The following GPR39 variants were observed in gnomAD, a reference collection of about 807,000 sequenced individuals.
The protein encoded by GPR39 is G protein-coupled receptor 39, also known as zinc sensing receptor.
Under a neutral mutation model 18.4 loss-of-function variants are expected in GPR39, and 23 were observed. The observed-to-expected ratio is 1.25, with a 90% CI of 0.90 to 1.77. GPR39 has a LOEUF of 1.77. Among genes scored for constraint, GPR39 ranks in the 40% most tolerant of loss-of-function variants. The pLI is 0.00. For synonymous variants in GPR39, 280 were observed against 257.9 expected, an observed-to-expected ratio of 1.09 and a Z score of -0.82; for missense variants, 647 against 602.4, an observed-to-expected ratio of 1.07 and a Z score of -0.78.
intron 1 of GPR39, among the ~76,000 whole-genome samples, chr2:132,509,371 C>T (rs1202869962): frequency 6.6e-6 from 1 of 152,122 alleles, no homozygotes; most frequent in Non-Finnish European, 1.5e-5. Context: ...CAAGGATAAC[C>T]ACTTGATAAA....
intron 1 of GPR39, among the ~76,000 whole-genome samples, chr2:132,504,314 T>G (rs1679098473): frequency 6.6e-6 from 1 of 152,220 alleles, no homozygotes; most frequent in Non-Finnish European, 1.5e-5. Context: ...AATATGTATT[T>G]CACATGTCTC....
chr2:132,553,313 ATGTGTG>A (rs149187122), intron 1 of GPR39, among the ~76,000 whole-genome samples: 52 of 146,232 alleles, frequency 3.6e-4, no homozygotes, highest in Non-Finnish European at 6.3e-4. Context: ...ATATGTATAT[ATGTGTG>A]TGTGTGTGTG....
In GPR39 at chr2:132,530,504, A is replaced by G. The variant is rs192668950; in HGVS notation, c.856+112606A>G. On this transcript the variant is annotated intron_variant, in intron 1 of 1. Coordinates refer to ENST00000329321, the MANE Select transcript of GPR39 (RefSeq NM_001508.3). Reference sequence around the variant, plus strand: ...CATTCAAATTCAGGAAATACAGAGAATGCCACAAAGATACTCCTTGAGAAG... The same window carrying G: ...CATTCAAATTCAGGAAATACAGAGAGTGCCACAAAGATACTCCTTGAGAAG... 5.9e-5 allele frequency among the ~76,000 whole-genome samples: 9 copies of G among 152,294 alleles called. No individual in the cohort carries two copies. In the East Asian group the frequency reaches 1.7e-3, roughly 29 times the overall value.
At chr2:132,503,443 G>C (rs187230365) in intron 1 of GPR39, among the ~76,000 whole-genome samples, 8 of 152,202 alleles carry the variant, frequency 5.3e-5, no homozygotes, top group Non-Finnish European at 1.2e-4. Flanking sequence ...TCTTCCAGTC[G>C]TGGATACCAG....
intron 1 of GPR39, among the ~76,000 whole-genome samples, chr2:132,530,914 G>T (rs1158705394): frequency 6.6e-6 from 1 of 152,188 alleles, no homozygotes; most frequent in Non-Finnish European, 1.5e-5. Context: ...AAATTGTAAA[G>T]ACCATCAAGG....
intron 1 of GPR39, among the ~76,000 whole-genome samples, chr2:132,491,073 T>G (rs996725802): frequency 9.2e-5 from 14 of 152,344 alleles, no homozygotes; most frequent in Non-Finnish European, 1.6e-4. Flanking sequence ...ATCTCTTTTT[T>G]TTCTCACTGA....
At chr2:132,475,918 C>A (rs952436214) in intron 1 of GPR39, among the ~76,000 whole-genome samples, 3 of 152,222 alleles carry the variant, frequency 2.0e-5, no homozygotes, top group African/African-American at 7.2e-5. Flanking sequence ...TCAAATGATG[C>A]AGCCATTTGA....
chr2:132,508,770 T>C (rs1408753810), intron 1 of GPR39, among the ~76,000 whole-genome samples: 1 of 152,152 alleles, frequency 6.6e-6, no homozygotes, highest in African/African-American at 2.4e-5. Flanking sequence ...AGGTTCCTGG[T>C]TCACCATTTC....
intron 1 of GPR39, among the ~76,000 whole-genome samples, chr2:132,488,339 CA>C (rs1573626399): frequency 6.6e-6 from 1 of 151,874 alleles, no homozygotes; most frequent in East Asian, 1.9e-4. Context: ...CTGTCATTAT[CA>C]AAAAGAGGCA....
intron 1 of GPR39, among the ~76,000 whole-genome samples, chr2:132,599,175 G>A (rs556483953): frequency 1.1e-4 from 16 of 152,298 alleles, no homozygotes; most frequent in Middle Eastern, 6.8e-3. Context: ...ATCCAGGCAC[G>A]AGAGGATTAT....
intron 1 of GPR39, among the ~76,000 whole-genome samples, chr2:132,423,258 T>A (rs934971046): frequency 1.3e-5 from 2 of 150,398 alleles, no homozygotes; most frequent in Admixed American, 1.3e-4. Context: ...TGAATAGCTG[T>A]CTTCTCATTG....
At chr2:132,498,537 G>A (rs1681692374) in intron 1 of GPR39, among the ~76,000 whole-genome samples, 3 of 152,094 alleles carry the variant, frequency 2.0e-5, no homozygotes, top group Admixed American at 2.0e-4. Flanking sequence ...ATAAACATGC[G>A]TGTGCTAGTA....
At position 132,426,184 on chromosome 2, in the gene GPR39, A is replaced by T. The variant is rs566843872; in HGVS notation, c.856+8286A>T. The stretch of plus-strand genomic sequence containing the variant: ...AGAATTGCCTTTGGCCCAGCCATTC[A>T]CAGATCCACCAACCACTTGTTGGTC... On this transcript the variant is annotated intron_variant, in intron 1 of 1. Coordinates refer to ENST00000329321, the MANE Select transcript of GPR39 (RefSeq NM_001508.3). Among the ~76,000 whole-genome samples, 6 of 152,318 alleles carry T rather than the reference A, an allele frequency of 3.9e-5. No homozygotes were observed. In the East Asian group the frequency reaches 1.2e-3, roughly 29 times the overall value.
At chr2:132,472,536 C>T (rs1050849722) in intron 1 of GPR39, among the ~76,000 whole-genome samples, 2 of 152,124 alleles carry the variant, frequency 1.3e-5, no homozygotes, top group Admixed American at 6.5e-5. Context: ...ACATTTCCTG[C>T]AACTCACCTG....
At position 132,636,556 on chromosome 2, in the gene GPR39, G is replaced by A. The variant is rs533597831; in HGVS notation, c.857-8545G>A. Among the ~76,000 whole-genome samples, 43 of 152,342 alleles carry A rather than the reference G, an allele frequency of 2.8e-4. 2 individuals carry two copies. The South Asian group carries it at 8.1e-3, about 29-fold the overall frequency. ...ATGATTTTACCAGACTCTAAAGGGA[G>A]CTGGGCCAGTGCAAACAGCACCTGC... On this transcript the variant is annotated intron_variant, in intron 1 of 1. Transcript: ENST00000329321.
chr2:132,645,042 G>A, intron 1 of GPR39, 59 bp from the exon 2 acceptor site: 1 of 1,537,378 alleles, frequency 6.5e-7, no homozygotes, highest in Non-Finnish European at 8.8e-7. Flanking sequence ...TTCATTTACT[G>A]TGTTCTCATG....
intron 1 of GPR39, among the ~76,000 whole-genome samples, chr2:132,470,255 TG>T (rs1192168606): frequency 8.5e-5 from 13 of 152,168 alleles, no homozygotes; most frequent in Non-Finnish European, 1.8e-4. Flanking sequence ...GACTGCCATT[TG>T]TGAGGGATGG....
At chr2:132,530,443 C>T (rs867351806) in intron 1 of GPR39, among the ~76,000 whole-genome samples, 1 of 152,280 alleles carries the variant, frequency 6.6e-6, no homozygotes. Context: ...AGGTTATTAT[C>T]CAGGAGAACT....
intron 1 of GPR39, among the ~76,000 whole-genome samples, chr2:132,441,436 C>A (rs1680437774): frequency 6.6e-6 from 1 of 151,754 alleles, no homozygotes; most frequent in African/African-American, 2.4e-5. Context: ...TATTGAATGC[C>A]TACCATGGAA....
Sources: gnomAD v4.1 joint callset for allele counts (sites outside exome capture counted in the v4.1 genomes callset) on GRCh38, gnomAD v4.1.1 for gene constraint, MANE v1.5 for transcripts, NCBI Gene and HGNC (gene_info 2026-07-23, HGNC 2026-07-21) for gene names.